DGKB: variants seen among roughly 807,000 people sequenced by gnomAD.
DGKB encodes diacylglycerol kinase beta.
DGKB carries 67 observed loss-of-function variants against 114.3 expected under a neutral mutation model. The observed-to-expected ratio is 0.59, with a 90% CI of 0.48 to 0.72. The LOEUF (loss-of-function observed/expected upper bound fraction) is 0.72. Among genes scored for constraint, DGKB ranks in the 30% least tolerant of loss-of-function variants. The pLI, the probability that DGKB is intolerant of heterozygous loss-of-function variation, is 0.00. For missense variants in DGKB, 907 were observed against 975.2 expected, an observed-to-expected ratio of 0.93 and a Z score of 0.93; for synonymous variants, 398 against 323.1, an observed-to-expected ratio of 1.23 and a Z score of -2.49.
intron 2 of DGKB, among the ~76,000 whole-genome samples, chr7:14,829,904 G>T (rs886213555): frequency 6.6e-6 from 1 of 152,114 alleles, no homozygotes; most frequent in Non-Finnish European, 1.5e-5. Flanking sequence ...TCCCAGAAAT[G>T]CTGAGAGCAA....
chr7:14,742,885 G>T (rs2128415450), intron 4 of DGKB, among the ~76,000 whole-genome samples: 1 of 152,226 alleles, frequency 6.6e-6, no homozygotes, highest in South Asian at 2.1e-4. Context: ...TAGGGTTAAA[G>T]GATTGTTTTA....
At chr7:14,906,553 T>C (rs960747688), upstream of DGKB, among the ~76,000 whole-genome samples, 2 of 150,440 alleles carry the variant, frequency 1.3e-5, no homozygotes, top group Non-Finnish European at 3.0e-5. Flanking sequence ...TCCCGGGTTC[T>C]AGCGATTCTC....
rs536024672 is a variant in DGKB at position 14,836,980 on chromosome 7, T to A, written c.70+4214A>T. Among the ~76,000 whole-genome samples, 413 of 152,344 alleles carry A rather than the reference T, an allele frequency of 2.7e-3. 1 individual carries two copies. The highest frequency in any genetic ancestry group is 4.4e-3 in the Non-Finnish European group (299 of 68,030). On this transcript the variant is annotated intron_variant, in intron 2 of 25. Coordinates refer to ENST00000402815, the MANE Select transcript of DGKB (RefSeq NM_001350709.2). Reference sequence around the variant, plus strand: ...CAGCCAGAAGAACACACTCCCTCTCTAGTAAGATAATAATTGTAAACAGTC... The same window carrying A: ...CAGCCAGAAGAACACACTCCCTCTCAAGTAAGATAATAATTGTAAACAGTC...
intron 2 of DGKB, among the ~76,000 whole-genome samples, chr7:14,768,913 C>A (rs1836861011): frequency 6.6e-6 from 1 of 151,792 alleles, no homozygotes; most frequent in African/African-American, 2.4e-5. Flanking sequence ...CAAACTTTGT[C>A]ATAATTTGCT....
At chr7:14,223,010 T>C (rs1024630161) in intron 23 of DGKB, among the ~76,000 whole-genome samples, 1 of 151,646 alleles carries the variant, frequency 6.6e-6, no homozygotes, top group East Asian at 1.9e-4. Flanking sequence ...TTACTTTCAA[T>C]CTATTTTTTA....
At chr7:14,602,440 T>C (rs1157160722) in intron 17 of DGKB, among the ~76,000 whole-genome samples, 1 of 152,188 alleles carries the variant, frequency 6.6e-6, no homozygotes, top group East Asian at 1.9e-4. Flanking sequence ...CCAAAATTAA[T>C]GCTTAAAATT....
intron 20 of DGKB, among the ~76,000 whole-genome samples, chr7:14,519,576 A>G (rs1789408546): frequency 6.6e-6 from 1 of 152,028 alleles, no homozygotes; most frequent in Non-Finnish European, 1.5e-5. Context: ...ATGAGCATAA[A>G]TTTTCATTTT....
intron 1 of DGKB, among the ~76,000 whole-genome samples, chr7:14,923,999 A>AAAAAAAAAAAAAC (rs1784631449): frequency 7.3e-6 from 1 of 137,720 alleles, no homozygotes; most frequent in South Asian, 2.2e-4. Context: ...AAAAAAAAAA[A>AAAAAAAAAAAAAC]AAAAAGCTTT....
chr7:14,291,050 G>A lies in DGKB; in HGVS notation c.2122+47465C>T, dbSNP rs1240600065. On this transcript the variant is annotated intron_variant, in intron 23 of 25. Coordinates refer to ENST00000402815, the MANE Select transcript of DGKB (RefSeq NM_001350709.2). ...CCAGCTACTTGGGAGGCTGAGGCAGGAGAATCACTTGATCCCAAGAGGCAG... is the reference window on the plus strand; with the variant it reads ...CCAGCTACTTGGGAGGCTGAGGCAGAAGAATCACTTGATCCCAAGAGGCAG... Among the ~76,000 whole-genome samples, 8 of 145,728 alleles carry A rather than the reference G, an allele frequency of 5.5e-5. 1 individual carries two copies. Among genetic ancestry groups the A allele is most frequent in the Admixed American group, 5.0e-4 (7 of 13,938 alleles).
chr7:14,243,930 G>A (rs549953139), intron 23 of DGKB, among the ~76,000 whole-genome samples: 1 of 152,060 alleles, frequency 6.6e-6, no homozygotes, highest in Admixed American at 6.5e-5. Context: ...CACCTAACTT[G>A]AGTAAAATGA....
intron 23 of DGKB, among the ~76,000 whole-genome samples, chr7:14,327,991 G>C (rs1242694201): frequency 1.3e-5 from 2 of 152,052 alleles, no homozygotes; most frequent in African/African-American, 2.4e-5. Flanking sequence ...TTATATGGAA[G>C]TCACATTTTT....
chr7:14,303,559 C>G (rs559869736), intron 23 of DGKB, among the ~76,000 whole-genome samples: 23 of 151,774 alleles, frequency 1.5e-4, no homozygotes, highest in African/African-American at 5.6e-4. Context: ...TTTCTTTACT[C>G]TTTGGTGTTT....
At position 14,735,656 on chromosome 7, in the gene DGKB, T is replaced by G. The variant is rs369257013; in HGVS notation, c.322+385A>C. 3.3e-5 allele frequency among the ~76,000 whole-genome samples: 5 copies of G among 152,180 alleles called. No individual in the cohort carries two copies. In the East Asian group the frequency reaches 7.7e-4, roughly 23 times the overall value. ...CAAATCTAAACATGTGAAAGTATAT[T>G]GGCAATTAGCAAAATAGATATTAAA... is the stretch of plus-strand genomic sequence containing the variant. On this transcript the variant is annotated intron_variant, in intron 5 of 25. Coordinates refer to ENST00000402815, the MANE Select transcript of DGKB (RefSeq NM_001350709.2).
intron 2 of DGKB, among the ~76,000 whole-genome samples, chr7:14,800,048 C>T (rs1318309807): frequency 6.6e-6 from 1 of 152,068 alleles, no homozygotes; most frequent in African/African-American, 2.4e-5. Flanking sequence ...TTCTGAGTAG[C>T]TGGGACTACA....
At chr7:14,587,994 C>A (rs1733752105) in intron 17 of DGKB, among the ~76,000 whole-genome samples, 1 of 151,976 alleles carries the variant, frequency 6.6e-6, no homozygotes, top group Admixed American at 6.6e-5. Flanking sequence ...TACGTACTTC[C>A]TAGTGCTTAA....
intron 21 of DGKB, among the ~76,000 whole-genome samples, chr7:14,377,054 T>C (rs889362633): frequency 6.6e-5 from 10 of 152,194 alleles, no homozygotes; most frequent in Non-Finnish European, 1.3e-4. Flanking sequence ...TTAAGTGATA[T>C]GATGTGACAG....
chr7:14,416,476 G>A (rs1043727359), intron 21 of DGKB, among the ~76,000 whole-genome samples: 9 of 151,948 alleles, frequency 5.9e-5, no homozygotes, highest in African/African-American at 1.9e-4. Flanking sequence ...GTCCTGGTAC[G>A]GTTTGGCTGC....
rs538433157 is a variant in DGKB, at chr7:14,409,564, G to A, written c.1836-64173C>T. ...CTACTAAAAATACAAAAAATTAGCC[G>A]GGCGCTGTGGCGGGCGCCTGTAGTC... On this transcript the variant is annotated intron_variant, in intron 21 of 25. Transcript: ENST00000402815. Among the ~76,000 whole-genome samples the A allele has an allele frequency of 3.7e-3, 189 of 51,046 alleles. 62 individuals carry two copies. Among genetic ancestry groups the A allele is most frequent in the African/African-American group, 9.8e-3 (178 of 18,226 alleles). 33.5% of individuals were successfully genotyped at this position (51,046 alleles called of 152,430 possible).
rs559839172 is a variant in DGKB at position 14,398,051 on chromosome 7, G to C, written c.1836-52660C>G. Among the ~76,000 whole-genome samples, 3 of 152,136 alleles carry C rather than the reference G, an allele frequency of 2.0e-5. No homozygotes were observed. The East Asian group carries it at 5.8e-4, about 29-fold the overall frequency. ...ACACTCAGCATCAATATAAACATTG[G>C]AATCACTTCAAAGGATGTTTTACGC... On this transcript the variant is annotated intron_variant, in intron 21 of 25. Coordinates refer to ENST00000402815, the MANE Select transcript of DGKB (RefSeq NM_001350709.2).
Sources: allele counts gnomAD v4.1 joint callset (sites outside exome capture counted in the v4.1 genomes callset), GRCh38; gene constraint gnomAD v4.1.1; transcripts MANE v1.5; gene names NCBI Gene and HGNC (gene_info 2026-07-23, HGNC 2026-07-21).